The following WDR72 variants were observed in gnomAD, a reference collection of about 807,000 sequenced individuals.
The protein encoded by WDR72 is WD repeat-containing protein 72.
A neutral mutation model predicts 124.2 loss-of-function variants in WDR72; 120 were observed. The ratio of observed to expected loss-of-function variants is 0.97; its 90% CI spans 0.83 to 1.12. WDR72 has a LOEUF of 1.12. Ranked by LOEUF, WDR72 falls within the 50% of genes most tolerant of loss-of-function variation. The pLI, the probability that WDR72 is intolerant of heterozygous loss-of-function variation, is 0.00. For missense variants in WDR72, 1,387 were observed against 1,278.8 expected, an observed-to-expected ratio of 1.08 and a Z score of -1.29; for synonymous variants, 452 against 441.7, an observed-to-expected ratio of 1.02 and a Z score of -0.29.
chr15:53,669,693 A>G (rs996214791), intron 13 of WDR72, among the ~76,000 whole-genome samples: 5 of 152,204 alleles, frequency 3.3e-5, no homozygotes, highest in African/African-American at 1.2e-4. Context: ...TATTTAAACT[A>G]TTAGAGAACA....
At chr15:53,663,142 T>C (rs1273350891) in intron 14 of WDR72, among the ~76,000 whole-genome samples, 1 of 151,654 alleles carries the variant, frequency 6.6e-6, no homozygotes, top group Non-Finnish European at 1.5e-5. Flanking sequence ...CCTAACTCTA[T>C]CAGGATGAAA....
At chr15:53,610,183 T>A (rs1283484048) in intron 16 of WDR72, among the ~76,000 whole-genome samples, 2 of 152,150 alleles carry the variant, frequency 1.3e-5, no homozygotes, top group African/African-American at 4.8e-5. Context: ...CTCTCCAGTG[T>A]CCTTTCTATT....
At chr15:53,518,816 ACT>A (rs1165292641) in intron 19 of WDR72, among the ~76,000 whole-genome samples, 3 of 152,060 alleles carry the variant, frequency 2.0e-5, no homozygotes, top group African/African-American at 7.2e-5. Flanking sequence ...TCCCCTGGAA[ACT>A]CTGTGAGAAA....
chr15:53,733,181 A>G lies in WDR72; in HGVS notation c.-12-20T>C. On this transcript the variant is annotated intron_variant, in intron 1 of 19. Transcript: ENST00000360509. ...CGAATCCTGACATACAAAGAAGGGA[A>G]GAAGCATACATGGTCATCTTTTTGA... 6.2e-7 allele frequency: 1 copy of G among 1,612,866 alleles called. No homozygotes were observed. The highest frequency in any genetic ancestry group is 8.5e-7 in the Non-Finnish European group (1 of 1,179,810).
intron 14 of WDR72, among the ~76,000 whole-genome samples, chr15:53,624,323 G>T (rs1340318532): frequency 2.0e-5 from 3 of 152,218 alleles, no homozygotes; most frequent in Non-Finnish European, 4.4e-5. Context: ...TTTAAGAAAA[G>T]AAGTCATCTA....
At chr15:53,686,936 C>T (rs1360671243) in intron 13 of WDR72, among the ~76,000 whole-genome samples, 1 of 151,604 alleles carries the variant, frequency 6.6e-6, no homozygotes, top group Non-Finnish European at 1.5e-5. Context: ...TACATGGAAA[C>T]TGAACAACCT....
At chr15:53,686,738 C>T (rs1289717379) in intron 13 of WDR72, among the ~76,000 whole-genome samples, 1 of 149,608 alleles carries the variant, frequency 6.7e-6, no homozygotes, top group African/African-American at 2.5e-5. Context: ...AACTCTCCAC[C>T]CCAAATCAAC....
intron 11 of WDR72, among the ~76,000 whole-genome samples, chr15:53,703,599 T>G (rs2017250948): frequency 6.6e-6 from 1 of 152,056 alleles, no homozygotes; most frequent in Non-Finnish European, 1.5e-5. Context: ...TTTGTAGCAC[T>G]CTGCTTGGCA....
At chr15:53,702,431 A>C (rs1357929801) in intron 11 of WDR72, 77 bp from the exon 12 acceptor site, 2 of 1,215,560 alleles carry the variant, frequency 1.6e-6, no homozygotes, top group African/African-American at 1.5e-5. Context: ...TCTTCTATAA[A>C]ATTTTAACAT....
chr15:53,687,984 C>G (rs1377246139), intron 13 of WDR72, among the ~76,000 whole-genome samples: 4 of 146,752 alleles, frequency 2.7e-5, no homozygotes, highest in South Asian at 2.2e-4. Flanking sequence ...TCAATAGACG[C>G]AGAAAAGGCC....
At chr15:53,659,952 A>T (rs1480239865) in intron 14 of WDR72, among the ~76,000 whole-genome samples, 3 of 152,106 alleles carry the variant, frequency 2.0e-5, no homozygotes, top group East Asian at 1.9e-4. Context: ...AAATACTTAA[A>T]ACAGAAATCT....
intron 13 of WDR72, among the ~76,000 whole-genome samples, chr15:53,689,673 C>A (rs1280424487): frequency 6.7e-6 from 1 of 150,306 alleles, no homozygotes. Flanking sequence ...CCTCAGGGAT[C>A]TAGAACTAGA....
At chr15:53,532,101 C>T (rs565674747) in intron 18 of WDR72, among the ~76,000 whole-genome samples, 10 of 152,202 alleles carry the variant, frequency 6.6e-5, no homozygotes, top group Admixed American at 1.3e-4. Flanking sequence ...GACATCATCT[C>T]ACTCTAGTCA....
rs143988622 is a variant in WDR72, at chr15:53,572,537, G to A, written c.3148+24542C>T. On this transcript the variant is annotated intron_variant, in intron 18 of 19. Transcript: ENST00000360509. ...TCTAGGGCTAGGCAAAAGTTTGTTA[G>A]AACTGACTCGAAAAGCACAATCCAT... Among the ~76,000 whole-genome samples the A allele has an allele frequency of 1.2e-4, 19 of 152,176 alleles. No individual in the cohort carries two copies. In the East Asian group the frequency reaches 3.5e-3, roughly 28 times the overall value.
At chr15:53,738,706 C>T (rs990019911) in intron 1 of WDR72, among the ~76,000 whole-genome samples, 4 of 152,164 alleles carry the variant, frequency 2.6e-5, no homozygotes, top group African/African-American at 9.7e-5. Context: ...AGGGATTCTC[C>T]TGCCCCTGCC....
At chr15:53,543,759 A>G (rs200598517) in intron 18 of WDR72, among the ~76,000 whole-genome samples, 7 of 151,580 alleles carry the variant, frequency 4.6e-5, no homozygotes, top group South Asian at 2.1e-4. Context: ...AGACTAATAA[A>G]GAAAAAAAGA....
intron 14 of WDR72, among the ~76,000 whole-genome samples, chr15:53,637,559 C>G (rs2014671132): frequency 6.6e-6 from 1 of 152,148 alleles, no homozygotes; most frequent in Non-Finnish European, 1.5e-5. Flanking sequence ...CAGTCAAGTT[C>G]TTTTTTCCTT....
At chr15:53,711,097 G>T in intron 8 of WDR72, 144 bp from the exon 9 acceptor site, 1 of 902,040 alleles carries the variant, frequency 1.1e-6, no homozygotes, top group Non-Finnish European at 1.7e-6. Flanking sequence ...AATTACAAGT[G>T]ACTTTTTGAA....
intron 19 of WDR72, 134 bp from the exon 20 acceptor site, chr15:53,517,888 AAAAG>A (rs1320426029): frequency 4.1e-5 from 34 of 827,686 alleles, no homozygotes; most frequent in South Asian, 1.4e-4. Context: ...AATGAGGAAA[AAAAG>A]AAAGAAAGGA....
Sources: gnomAD v4.1 joint callset for allele counts (sites outside exome capture counted in the v4.1 genomes callset) on GRCh38, gnomAD v4.1.1 for gene constraint, MANE v1.5 for transcripts, NCBI Gene and HGNC (gene_info 2026-07-23, HGNC 2026-07-21) for gene names.